CRPPA: variants seen among roughly 807,000 people sequenced by gnomAD.
CRPPA encodes the protein D-ribitol-5-phosphate cytidylyltransferase.
In CRPPA, 43 loss-of-function variants were observed where a neutral mutation model predicts 52.0. The ratio of observed to expected loss-of-function variants is 0.83; its 90% CI spans 0.65 to 1.07. The LOEUF is 1.07. Among genes scored for constraint, CRPPA ranks in the 50% least tolerant of loss-of-function variants. The pLI is 0.00. For synonymous variants in CRPPA, 250 were observed against 203.5 expected (o/e 1.23, Z -1.94); for missense variants, 629 against 551.7 (o/e 1.14, Z -1.40).
At chr7:16,337,417 G>A (rs1785712227) in intron 3 of CRPPA, among the ~76,000 whole-genome samples, 1 of 152,044 alleles carries the variant, frequency 6.6e-6, no homozygotes, top group Admixed American at 6.5e-5. Context: ...TAAGACTAAT[G>A]AAAATGGGAA....
At chr7:16,109,592 A>C (rs749559428) in intron 9 of CRPPA, among the ~76,000 whole-genome samples, 2 of 152,036 alleles carry the variant, frequency 1.3e-5, no homozygotes, top group African/African-American at 2.4e-5. Flanking sequence ...TCAACAAAAT[A>C]CTAGCAAACC....
intron 8 of CRPPA, among the ~76,000 whole-genome samples, chr7:16,227,207 G>C (rs1027272688): frequency 6.6e-6 from 1 of 151,898 alleles, no homozygotes; most frequent in African/African-American, 2.4e-5. Context: ...TAAGAGTACA[G>C]ATGTCTCTTT....
rs1312093047 is a variant in CRPPA, at chr7:16,090,403, A to C, written c.*1292T>G. The C allele has an allele frequency of 6.6e-6, 1 of 152,070 alleles. No homozygotes were observed. Among genetic ancestry groups the C allele is most frequent in the South Asian group, 2.1e-4 (1 of 4,820 alleles). 9.4% of individuals were successfully genotyped at this position (152,070 alleles called of 1,614,324 possible). A position where few individuals can be genotyped will look rare whatever the true frequency, so the allele number is the denominator to read the frequency against. ...TGCAGCCTAAGCCCTAATCTGTTTC[A>C]ATAAAATAAATGTATGTTGGCTGGG... On this transcript the variant is annotated 3_prime_UTR_variant, in exon 10 of 10. Transcript: ENST00000407010.
intron 5 of CRPPA, among the ~76,000 whole-genome samples, chr7:16,290,062 T>G (rs750140477): frequency 2.6e-5 from 4 of 152,116 alleles, no homozygotes; most frequent in South Asian, 2.1e-4. Context: ...CAATCCCTTT[T>G]ACAATAGCTA....
intron 8 of CRPPA, among the ~76,000 whole-genome samples, chr7:16,236,750 T>C (rs1333680422): frequency 6.6e-6 from 1 of 152,054 alleles, no homozygotes; most frequent in Non-Finnish European, 1.5e-5. Flanking sequence ...GAATATGAAG[T>C]ATTACAGTAA....
chr7:16,192,516 G>A (rs1434884921), intron 9 of CRPPA, among the ~76,000 whole-genome samples: 2 of 152,020 alleles, frequency 1.3e-5, no homozygotes, highest in Non-Finnish European at 1.5e-5. Flanking sequence ...TATCTGCCAT[G>A]CTGATTAAAA....
chr7:16,216,847 G>A (rs188004726), intron 8 of CRPPA, among the ~76,000 whole-genome samples: 6,395 of 152,180 alleles, frequency 0.042, 207 homozygotes, highest in Middle Eastern at 0.099. Flanking sequence ...ACTGCAAGGC[G>A]GCAGCGAGGC....
intron 3 of CRPPA, among the ~76,000 whole-genome samples, chr7:16,340,488 T>C (rs1785794556): frequency 6.6e-6 from 1 of 151,556 alleles, no homozygotes; most frequent in South Asian, 2.1e-4. Flanking sequence ...GACATAAAAA[T>C]GATGCTCATA....
At chr7:16,399,107 A>G (rs1193497559) in intron 2 of CRPPA, among the ~76,000 whole-genome samples, 1 of 152,222 alleles carries the variant, frequency 6.6e-6, no homozygotes, top group Non-Finnish European at 1.5e-5. Context: ...CGTGATCGTC[A>G]TTTTGGGTCA....
At chr7:16,382,897 A>AT (rs1787149688) in intron 2 of CRPPA, among the ~76,000 whole-genome samples, 1 of 151,910 alleles carries the variant, frequency 6.6e-6, no homozygotes, top group African/African-American at 2.4e-5. Context: ...ATTCGTCTAA[A>AT]TTTTTTTCAA....
At chr7:16,120,047 A>C (rs1230791586) in intron 9 of CRPPA, among the ~76,000 whole-genome samples, 2 of 152,216 alleles carry the variant, frequency 1.3e-5, no homozygotes, top group Non-Finnish European at 2.9e-5. Flanking sequence ...ATTTTATAGA[A>C]AGAAATCAGG....
At chr7:16,094,451 G>GTGAGAA (rs1781896107) in intron 9 of CRPPA, among the ~76,000 whole-genome samples, 1 of 151,998 alleles carries the variant, frequency 6.6e-6, no homozygotes, top group Non-Finnish European at 1.5e-5. Flanking sequence ...CAAACCCAAT[G>GTGAGAA]TATCTTATAA....
At chr7:16,408,673 A>G (rs544077650) in intron 1 of CRPPA, among the ~76,000 whole-genome samples, 1 of 152,358 alleles carries the variant, frequency 6.6e-6, no homozygotes, top group Admixed American at 6.5e-5. Flanking sequence ...GCACTTTCTT[A>G]CTCATGAAAC....
intron 3 of CRPPA, among the ~76,000 whole-genome samples, chr7:16,357,768 C>G (rs942130124): frequency 1.3e-5 from 2 of 152,140 alleles, no homozygotes; most frequent in African/African-American, 4.8e-5. Context: ...AGGAATAAGA[C>G]AGAACTCAGA....
chr7:16,106,003 A>G (rs1372002117), intron 9 of CRPPA, among the ~76,000 whole-genome samples: 1 of 152,138 alleles, frequency 6.6e-6, no homozygotes, highest in African/African-American at 2.4e-5. Context: ...AGCCCTCCCA[A>G]CAACTTTGCA....
chr7:16,173,530 C>G (rs928394930), intron 9 of CRPPA, among the ~76,000 whole-genome samples: 1 of 152,032 alleles, frequency 6.6e-6, no homozygotes, highest in Admixed American at 6.6e-5. Context: ...ACTACGTGGA[C>G]CACTTAGAAA....
chr7:16,343,084 T>A (rs1455941131), intron 3 of CRPPA, among the ~76,000 whole-genome samples: 1 of 151,686 alleles, frequency 6.6e-6, no homozygotes, highest in Admixed American at 6.6e-5. Flanking sequence ...GCCAAATATG[T>A]GAAAATCAAA....
intron 2 of CRPPA, among the ~76,000 whole-genome samples, chr7:16,390,371 T>C (rs1787411229): frequency 6.6e-6 from 1 of 152,164 alleles, no homozygotes; most frequent in Non-Finnish European, 1.5e-5. Context: ...ATCTCCAATT[T>C]CTGTCTTCCT....
chr7:16,384,815 G>T (rs766242354), intron 2 of CRPPA, among the ~76,000 whole-genome samples: 1 of 152,154 alleles, frequency 6.6e-6, no homozygotes, highest in Non-Finnish European at 1.5e-5. Context: ...TGGGGTGGGA[G>T]GGGAAGGGCA....
Sources: gnomAD v4.1 joint callset for allele counts (sites outside exome capture counted in the v4.1 genomes callset) on GRCh38, gnomAD v4.1.1 for gene constraint, MANE v1.5 for transcripts, NCBI Gene and HGNC (gene_info 2026-07-23, HGNC 2026-07-21) for gene names.